The following CEP350 variants were observed in gnomAD, a reference collection of about 807,000 sequenced individuals.
The protein encoded by CEP350 is centrosomal protein 350, also known as centrosome-associated protein 350.
In CEP350, 126 loss-of-function variants were observed where a neutral mutation model predicts 331.8. The observed-to-expected ratio is 0.38, with a 90% CI of 0.33 to 0.44. The LOEUF (loss-of-function observed/expected upper bound fraction) is 0.44. Ranked by LOEUF, CEP350 falls within the 20% of genes least tolerant of loss-of-function variation. The pLI, the probability that CEP350 is intolerant of heterozygous loss-of-function variation, is 1.00. For synonymous variants in CEP350, 1,200 were observed against 1,259.5 expected (o/e 0.95, Z 1.00); for missense variants, 3,406 against 3,634.6 (o/e 0.94, Z 1.62).
intron 28 of CEP350, among the ~76,000 whole-genome samples, chr1:180,077,948 C>T (rs1034630983): frequency 1.2e-4 from 18 of 152,022 alleles, no homozygotes; most frequent in Non-Finnish European, 2.2e-4. Context: ...GCCTGGCCGC[C>T]ATGGTGAAAC....
rs770012597 is a variant in CEP350, at chr1:180,095,899, T to C, written c.8888T>C (p.Ile2963Thr). 9.3e-6 allele frequency: 15 copies of C among 1,606,630 alleles called. No homozygotes were observed. In the East Asian group the frequency reaches 2.9e-4, roughly 31 times the overall value. The change falls in exon 35 of 38, where the codon ATA (isoleucine) becomes ACA (threonine). Residue 2963 changes from isoleucine to threonine, a missense_variant. Ile to Thr is a moderately conservative substitution (Grantham distance 89, BLOSUM62 -1). Transcript: ENST00000367607. ...GGCTGTGCCAGTAAAGGTCTAGATA[T>C]AGAAAGCACTAGTAAAAGGGTCTAC... ...LLGCASKGLD[I>T]ESTSKRVYKQ...
At chr1:179,968,098 A>G (rs1651151797) in intron 1 of CEP350, among the ~76,000 whole-genome samples, 1 of 152,182 alleles carries the variant, frequency 6.6e-6, no homozygotes, top group South Asian at 2.1e-4. Flanking sequence ...TGGGAGGCCA[A>G]GGCGGGTGCA....
chr1:180,077,604 C>T (rs1483079821), intron 28 of CEP350, among the ~76,000 whole-genome samples: 4 of 145,810 alleles, frequency 2.7e-5, no homozygotes. Flanking sequence ...GAGGTCGAGG[C>T]TGCAGTGACC....
intron 26 of CEP350, among the ~76,000 whole-genome samples, chr1:180,064,613 C>T (rs1658431954): frequency 6.6e-6 from 1 of 152,014 alleles, no homozygotes; most frequent in Non-Finnish European, 1.5e-5. Context: ...TCTTTACAAA[C>T]TTTTTTAATT....
chr1:180,047,740 G>A lies in CEP350; in HGVS notation c.4623-796G>A, dbSNP rs556118874. On this transcript the variant is annotated intron_variant, in intron 21 of 37. Transcript: ENST00000367607. ...TGTGCCACTGCACTCCAGCCTGGGC[G>A]ACAGAATGAAACTCCTCAAAAAAAA... 8.8e-4 allele frequency among the ~76,000 whole-genome samples: 77 copies of A among 87,966 alleles called. No individual in the cohort carries two copies. In the South Asian group the frequency reaches 0.01, roughly 12 times the overall value. The allele number at this position is 87,966 out of a possible 152,430, so 57.7% of individuals were successfully genotyped here. A position where few individuals can be genotyped will look rare whatever the true frequency, so the allele number is the denominator to read the frequency against.
intron 12 of CEP350, among the ~76,000 whole-genome samples, chr1:180,021,916 T>C (rs1261996409): frequency 6.6e-6 from 1 of 152,214 alleles, no homozygotes; most frequent in African/African-American, 2.4e-5. Context: ...TTTTCTTTTC[T>C]ATGATAGACT....
At chr1:180,083,482 GTC>G (rs1659686918) in intron 30 of CEP350, among the ~76,000 whole-genome samples, 1 of 152,170 alleles carries the variant, frequency 6.6e-6, no homozygotes, top group African/African-American at 2.4e-5. Flanking sequence ...TTACAGCAGA[GTC>G]TATTTCTTTA....
chr1:180,035,345 A>T (rs1314314408), intron 16 of CEP350, among the ~76,000 whole-genome samples: 1 of 152,244 alleles, frequency 6.6e-6, no homozygotes, highest in Non-Finnish European at 1.5e-5. Context: ...GGCTACACTA[A>T]ACAGATTTCC....
chr1:180,076,449 A>G (rs1292153728), intron 28 of CEP350, among the ~76,000 whole-genome samples: 1 of 152,200 alleles, frequency 6.6e-6, no homozygotes, highest in Non-Finnish European at 1.5e-5. Context: ...TACCCAGATT[A>G]AAGGAGAAAA....
intron 36 of CEP350, among the ~76,000 whole-genome samples, chr1:180,098,399 G>A (rs1660613550): frequency 6.6e-6 from 1 of 152,092 alleles, no homozygotes; most frequent in Admixed American, 6.6e-5. Flanking sequence ...GGAGTGCAGT[G>A]GTGCAATCTC....
At chr1:179,999,011 A>T (rs982798429) in intron 6 of CEP350, among the ~76,000 whole-genome samples, 6 of 152,174 alleles carry the variant, frequency 3.9e-5, no homozygotes, top group African/African-American at 1.4e-4. Flanking sequence ...CGTGTATCAC[A>T]TCCATACTAT....
chr1:179,997,233 A>C, intron 6 of CEP350, 58 bp downstream of exon 6: 1 of 1,533,282 alleles, frequency 6.5e-7, no homozygotes, highest in Non-Finnish European at 8.8e-7. Flanking sequence ...CTTTCTCCCT[A>C]GGGTGTATTT....
chr1:180,098,684 A>G (rs1660630266), intron 36 of CEP350, among the ~76,000 whole-genome samples, 179 bp from the exon 37 acceptor site: 1 of 152,188 alleles, frequency 6.6e-6, no homozygotes, highest in African/African-American at 2.4e-5. Context: ...ATAAAGTCTC[A>G]GCATTTGGAA....
intron 8 of CEP350, among the ~76,000 whole-genome samples, chr1:180,010,628 A>C (rs1361138502): frequency 2.1e-5 from 3 of 145,178 alleles, no homozygotes; most frequent in African/African-American, 7.7e-5. Flanking sequence ...CTGAGACAGG[A>C]TCTCACTCAG....
intron 8 of CEP350, among the ~76,000 whole-genome samples, chr1:180,011,408 T>A (rs1654647857): frequency 6.6e-6 from 1 of 152,222 alleles, no homozygotes; most frequent in African/African-American, 2.4e-5. Flanking sequence ...ACTTGTTGTA[T>A]GTTAAGACAT....
intron 6 of CEP350, among the ~76,000 whole-genome samples, chr1:179,998,058 AG>A (rs1291481171): frequency 2.0e-5 from 3 of 151,434 alleles, no homozygotes; most frequent in Admixed American, 6.6e-5. Flanking sequence ...GGTGGTTTTA[AG>A]GGGTTTCTAT....
intron 8 of CEP350, among the ~76,000 whole-genome samples, chr1:180,006,874 T>G (rs962837608): frequency 1.3e-5 from 2 of 152,216 alleles, no homozygotes; most frequent in African/African-American, 4.8e-5. Context: ...TTTCTGTTCC[T>G]GTGTTAGTTT....
rs1470356565 is a variant in CEP350, at chr1:180,022,313, A to T, written c.3236-385A>T. 2.0e-5 allele frequency among the ~76,000 whole-genome samples: 3 copies of T among 152,204 alleles called. 1 individual carries two copies. The highest frequency in any genetic ancestry group is 4.4e-5 in the Non-Finnish European group (3 of 68,036). On this transcript the variant is annotated intron_variant, in intron 12 of 37. Coordinates refer to ENST00000367607, the MANE Select transcript of CEP350 (RefSeq NM_014810.5). ...TCTGTTAAATTTTCATTAAGATTTT[A>T]TAGTTAAACTGAAATATTTAGAGAT...
chr1:180,043,199 A>C lies in CEP350; in HGVS notation c.4499+7A>C. ...CCAGAACTGAAACAGATAGGTTAAT[A>C]TTCATTCAGTCAGCAAATATATAAT... On this transcript the variant is annotated splice_region_variant and intron_variant, in intron 20 of 37. Coordinates refer to ENST00000367607, the MANE Select transcript of CEP350 (RefSeq NM_014810.5). 1 of 1,604,208 alleles carries C rather than the reference A, an allele frequency of 6.2e-7. No individual in the cohort carries two copies. The highest frequency in any genetic ancestry group is 8.5e-7 in the Non-Finnish European group (1 of 1,176,128).
Sources: gnomAD v4.1 joint callset for allele counts (sites outside exome capture counted in the v4.1 genomes callset) on GRCh38, gnomAD v4.1.1 for gene constraint, MANE v1.5 for transcripts, NCBI Gene and HGNC (gene_info 2026-07-23, HGNC 2026-07-21) for gene names.